APH1B: variants seen among roughly 807,000 people sequenced by gnomAD.
APH1B encodes the protein aph-1B gamma-secretase subunit, also known as gamma-secretase subunit APH-1B.
APH1B carries 27 observed loss-of-function variants against 28.2 expected under a neutral mutation model. That is an observed-to-expected ratio of 0.96 (90% CI 0.70 to 1.32). The LOEUF (loss-of-function observed/expected upper bound fraction) is 1.32, where lower values mean the gene tolerates loss of function less well. Ranked by LOEUF, APH1B falls within the 40% of genes most tolerant of loss-of-function variation. The probability of loss-of-function intolerance (pLI) is 0.00; values close to 1 mark genes in which losing one functional copy is unlikely to be tolerated. For missense variants in APH1B, 305 were observed against 313.6 expected (o/e 0.97, Z 0.21); for synonymous variants, 141 against 124.6 (o/e 1.13, Z -0.88).
At chr15:63,291,657 A>T (rs902947975) in intron 4 of APH1B, 2 of 152,170 alleles carry the variant, frequency 1.3e-5, no homozygotes, top group Admixed American at 6.5e-5. Flanking sequence ...GGAATGTGGG[A>T]GATTATTTTT....
intron 2 of APH1B, among the ~76,000 whole-genome samples, chr15:63,280,975 C>T (rs1434276191): frequency 6.6e-6 from 1 of 152,030 alleles, no homozygotes; most frequent in Admixed American, 6.6e-5. Context: ...ATGGCAAAAC[C>T]CTGTCTCTAC....
At chr15:63,287,703 A>G (rs1045821674) in intron 4 of APH1B, among the ~76,000 whole-genome samples, 157 bp downstream of exon 4, 2 of 152,250 alleles carry the variant, frequency 1.3e-5, no homozygotes, top group African/African-American at 4.8e-5. Flanking sequence ...ACTTAGGAAA[A>G]TAAAAATTCT....
At position 63,279,210 on chromosome 15, in the gene APH1B, A is replaced by T. The variant is rs966653733; in HGVS notation, c.163A>T (p.Met55Leu). 2 of 1,611,054 alleles carry T rather than the reference A, an allele frequency of 1.2e-6. No homozygotes were observed. The highest frequency in any genetic ancestry group is 1.7e-6 in the Non-Finnish European group (2 of 1,178,222). ...ACTGATTTCGTCCCTTGTTTGGTTC[A>T]TGGCAAGAGTCATTATTGACAACAA... ...SLLISSLVWF[M>L]ARVIIDNKDG... is the part of the protein sequence containing the mutation. The change falls in exon 2 of 6, where the codon ATG (methionine) becomes TTG (leucine). Residue 55 changes from methionine (M) to leucine (L), a missense_variant. Transcript: ENST00000261879.
chr15:63,281,775 A>C (rs1305106542), intron 2 of APH1B, among the ~76,000 whole-genome samples: 5 of 147,342 alleles, frequency 3.4e-5, no homozygotes, highest in Non-Finnish European at 6.0e-5. Context: ...TTTTTTTTTA[A>C]TTTTAATTTT....
intron 1 of APH1B, chr15:63,278,245 A>G (rs199731340): frequency 3.2e-6 from 1 of 313,772 alleles, no homozygotes; most frequent in South Asian, 2.3e-5. Flanking sequence ...GGCTTCAGAA[A>G]AAAAAAAAAA....
intron 2 of APH1B, among the ~76,000 whole-genome samples, chr15:63,283,175 A>G: frequency 6.6e-6 from 1 of 152,166 alleles, no homozygotes; most frequent in East Asian, 1.9e-4. Flanking sequence ...TTTTTAGTTT[A>G]TTTATTTAAT....
chr15:63,292,018 T>G (rs912820870), intron 4 of APH1B: 2 of 152,226 alleles, frequency 1.3e-5, no homozygotes, highest in African/African-American at 2.4e-5. Flanking sequence ...GAATAAATTT[T>G]TGTTACTGTA....
At chr15:63,278,112 G>A (rs568906121) in intron 1 of APH1B, among the ~76,000 whole-genome samples, 5 of 152,244 alleles carry the variant, frequency 3.3e-5, no homozygotes, top group African/African-American at 1.2e-4. Flanking sequence ...AACCATTGGC[G>A]TTTAGGATAG....
At chr15:63,279,063 T>C (rs2038356583) in intron 1 of APH1B, 98 bp from the exon 2 acceptor site, 1 of 988,254 alleles carries the variant, frequency 1.0e-6, no homozygotes, top group Non-Finnish European at 1.4e-6. Context: ...TCAAGAAATC[T>C]CTTCCTTCTC....
chr15:63,279,147 C>T lies in APH1B; in HGVS notation c.114-14C>T. On this transcript the variant is annotated splice_polypyrimidine_tract_variant and intron_variant, in intron 1 of 5. Transcript: ENST00000261879. ...CTGATGTTCACTTGTAACTTTTTTT[C>T]CCGTATTTTTCAGAGCTTTCTTCTG... The T allele has an allele frequency of 6.4e-7, 1 of 1,554,328 alleles. No homozygotes were observed. The highest frequency in any genetic ancestry group is 8.7e-7 in the Non-Finnish European group (1 of 1,143,494).
chr15:63,287,282 T>A, intron 3 of APH1B, 142 bp from the exon 4 acceptor site: 1 of 1,138,854 alleles, frequency 8.8e-7, no homozygotes, highest in Non-Finnish European at 1.2e-6. Context: ...AGCACATGCC[T>A]CTCCAGAGCC....
intron 4 of APH1B, among the ~76,000 whole-genome samples, chr15:63,301,000 T>G (rs2038621575): frequency 6.6e-6 from 1 of 152,224 alleles, no homozygotes; most frequent in Non-Finnish European, 1.5e-5. Flanking sequence ...CTTGTGCAGA[T>G]GTGTACGTTT....
chr15:63,291,578 A>G (rs2038507272), intron 4 of APH1B: 1 of 152,250 alleles, frequency 6.6e-6, no homozygotes, highest in African/African-American at 2.4e-5. Flanking sequence ...ATGATAGAAG[A>G]TCTAGAAGCC....
At chr15:63,302,317 G>A (rs199619285) in intron 4 of APH1B, 28 bp from the exon 5 acceptor site, 6 of 1,611,692 alleles carry the variant, frequency 3.7e-6, no homozygotes, top group Non-Finnish European at 5.1e-6. Flanking sequence ...ACCTGTAGGA[G>A]TGACACTAAT....
At chr15:63,278,457 G>A (rs2152590767) in intron 1 of APH1B, 1 of 403,032 alleles carries the variant, frequency 2.5e-6, no homozygotes, top group Non-Finnish European at 5.0e-6. Context: ...CACCAGACTA[G>A]GCCAATGATT....
chr15:63,278,981 A>G (rs969575342), intron 1 of APH1B, among the ~76,000 whole-genome samples, 180 bp from the exon 2 acceptor site: 3 of 152,218 alleles, frequency 2.0e-5, no homozygotes, highest in Non-Finnish European at 4.4e-5. Context: ...TGTCTCACCA[A>G]GGAAAATGCA....
chr15:63,284,812 A>G (rs1328548690), intron 2 of APH1B, among the ~76,000 whole-genome samples: 2 of 152,180 alleles, frequency 1.3e-5, no homozygotes, highest in African/African-American at 4.8e-5. Context: ...TCTAGTCTCA[A>G]CTAGGCCTGT....
In APH1B at chr15:63,300,024, A is replaced by C. The variant is rs192270979; in HGVS notation, c.479-2321A>C. ...ATATGCCTTCATATATTATATGTGC[A>C]TGAAATGGCAGGGATTTTCTTTCAG... is the stretch of plus-strand genomic sequence containing the variant. On this transcript the variant is annotated intron_variant, in intron 4 of 5. Transcript: ENST00000261879. 1.8e-4 allele frequency among the ~76,000 whole-genome samples: 27 copies of C among 152,284 alleles called. No homozygotes were observed. In the East Asian group the frequency reaches 5.0e-3, roughly 28 times the overall value.
chr15:63,286,204 A>G (rs975486199), intron 2 of APH1B, among the ~76,000 whole-genome samples: 2 of 152,238 alleles, frequency 1.3e-5, no homozygotes, highest in South Asian at 2.1e-4. Context: ...GAAAAAAATC[A>G]GAGTGGTAGA....
Sources: gnomAD v4.1 joint callset for allele counts (sites outside exome capture counted in the v4.1 genomes callset) on GRCh38, gnomAD v4.1.1 for gene constraint, MANE v1.5 for transcripts, NCBI Gene and HGNC (gene_info 2026-07-23, HGNC 2026-07-21) for gene names.